The following DAB1 variants were observed in gnomAD, a reference collection of about 807,000 sequenced individuals.
DAB1 encodes disabled homolog 1.
A neutral mutation model predicts 64.6 loss-of-function variants in DAB1; 15 were observed. The ratio of observed to expected loss-of-function variants is 0.23; its 90% confidence interval spans 0.16 to 0.36. The LOEUF (loss-of-function observed/expected upper bound fraction) is 0.36. DAB1 is among the 10% of genes least tolerant of loss of function. The probability of loss-of-function intolerance (pLI) is 1.00; values close to 1 mark genes in which losing one functional copy is unlikely to be tolerated. For missense variants in DAB1, 596 were observed against 706.7 expected (o/e 0.84, Z 1.78); for synonymous variants, 235 against 251.9 (o/e 0.93, Z 0.64).
intron 5 of DAB1, among the ~76,000 whole-genome samples, chr1:58,011,257 T>C (rs1646664109): frequency 6.6e-6 from 1 of 152,188 alleles, no homozygotes; most frequent in South Asian, 2.1e-4. Flanking sequence ...ATCCCCCAGG[T>C]GGTAATAAGT....
chr1:57,784,425 A>T (rs1368317444), intron 6 of DAB1, among the ~76,000 whole-genome samples: 1 of 152,244 alleles, frequency 6.6e-6, no homozygotes, highest in Non-Finnish European at 1.5e-5. Context: ...AAAAGCTGAG[A>T]TAGGTATCTT....
intron 5 of DAB1, among the ~76,000 whole-genome samples, chr1:58,020,538 C>A (rs576429948): frequency 6.6e-6 from 1 of 152,178 alleles, no homozygotes; most frequent in Non-Finnish European, 1.5e-5. Flanking sequence ...ATTTCTCCAA[C>A]AAATGGACAA....
rs1342075729 is a variant in DAB1 at position 58,471,466 on chromosome 1, C to T, written n.257+34594G>A. Among the ~76,000 whole-genome samples, 3 of 152,076 alleles carry T rather than the reference C, an allele frequency of 2.0e-5. No homozygotes were observed. In the East Asian group the frequency reaches 5.8e-4, roughly 29 times the overall value. On this transcript the variant is annotated intron_variant and non_coding_transcript_variant, in intron 3 of 20. Transcript: ENST00000485760. ...TAATTGACTTAGACATTCATGATGTCTCGGGCAGGGAATACTGCCACCTAA... is the reference window on the plus strand; with the variant it reads ...TAATTGACTTAGACATTCATGATGTTTCGGGCAGGGAATACTGCCACCTAA...
At chr1:58,371,872 G>T (rs905542120) in intron 3 of DAB1, among the ~76,000 whole-genome samples, 11 of 152,194 alleles carry the variant, frequency 7.2e-5, no homozygotes, top group African/African-American at 2.7e-4. Context: ...AAAGACAAGA[G>T]TTGAGCTTTT....
At chr1:58,013,893 CTTTTT>C (rs11340354) in intron 5 of DAB1, among the ~76,000 whole-genome samples, 1 of 137,050 alleles carries the variant, frequency 7.3e-6, no homozygotes, top group Non-Finnish European at 1.6e-5. Flanking sequence ...TTCTTTTTTT[CTTTTT>C]TTTTTTTTTC....
chr1:58,246,949 G>A (rs1388535054), intron 4 of DAB1, among the ~76,000 whole-genome samples: 1 of 152,012 alleles, frequency 6.6e-6, no homozygotes, highest in East Asian at 1.9e-4. Flanking sequence ...AACATGAGGA[G>A]GGAGTAAGAC....
intron 4 of DAB1, among the ~76,000 whole-genome samples, chr1:58,281,992 C>A (rs979215941): frequency 1.3e-5 from 2 of 152,102 alleles, no homozygotes; most frequent in African/African-American, 2.4e-5. Flanking sequence ...CTTCCTCCTC[C>A]TCATCATCCT....
chr1:58,239,712 G>A (rs1017505543), intron 4 of DAB1, among the ~76,000 whole-genome samples: 3 of 152,118 alleles, frequency 2.0e-5, no homozygotes, highest in African/African-American at 7.2e-5. Context: ...GACTCTCACA[G>A]AGTTGTCCAA....
chr1:57,094,961 C>G (rs1654023996), intron 4 of DAB1, among the ~76,000 whole-genome samples: 1 of 152,164 alleles, frequency 6.6e-6, no homozygotes, highest in South Asian at 2.1e-4. Flanking sequence ...TACTTGTACT[C>G]TGCAACCTCA....
At chr1:58,298,966 C>G (rs17117283) in intron 4 of DAB1, among the ~76,000 whole-genome samples, 1 of 152,168 alleles carries the variant, frequency 6.6e-6, no homozygotes, top group Non-Finnish European at 1.5e-5. Context: ...CTAGGAAACA[C>G]GTAAAATGCA....
At chr1:57,688,892 C>A (rs1274967304) in intron 6 of DAB1, among the ~76,000 whole-genome samples, 4 of 151,966 alleles carry the variant, frequency 2.6e-5, no homozygotes, top group African/African-American at 9.7e-5. Context: ...AAGATGGGAA[C>A]AATAGACACT....
At chr1:58,237,767 T>C (rs952620940) in intron 4 of DAB1, among the ~76,000 whole-genome samples, 1 of 152,178 alleles carries the variant, frequency 6.6e-6, no homozygotes, top group Non-Finnish European at 1.5e-5. Flanking sequence ...CATATTTTGG[T>C]GTGGTTCTAT....
chr1:57,583,051 T>C (rs943116109), intron 7 of DAB1, among the ~76,000 whole-genome samples: 108 of 152,228 alleles, frequency 7.1e-4, no homozygotes, highest in African/African-American at 2.5e-3. Context: ...ACAAAGAGAA[T>C]TGGAGAAGTG....
At chr1:57,697,422 TAAAAAAAAAAAA>T (rs56655539) in intron 6 of DAB1, among the ~76,000 whole-genome samples, 3 of 57,870 alleles carry the variant, frequency 5.2e-5, no homozygotes, top group African/African-American at 2.0e-4. Context: ...CTCACGTTTC[TAAAAAAAAAAAA>T]AAAAAAAAAA....
At chr1:58,447,253 C>T (rs185064888) in intron 3 of DAB1, among the ~76,000 whole-genome samples, 1 of 152,292 alleles carries the variant, frequency 6.6e-6, no homozygotes, top group African/African-American at 2.4e-5. Context: ...GCGGGAATTG[C>T]ACCGGCTCCT....
intron 3 of DAB1, among the ~76,000 whole-genome samples, chr1:57,140,719 AAC>A (rs907507012): frequency 6.6e-6 from 1 of 152,186 alleles, no homozygotes; most frequent in African/African-American, 2.4e-5. Flanking sequence ...CTCAGTAAAT[AAC>A]AGTTATACTT....
chr1:58,408,919 T>C (rs955881732), intron 3 of DAB1, among the ~76,000 whole-genome samples: 2 of 152,050 alleles, frequency 1.3e-5, no homozygotes, highest in East Asian at 1.9e-4. Context: ...AAGTCCCAGA[T>C]ACACACAAAA....
At chr1:58,150,640 C>T (rs1040367808) in intron 4 of DAB1, 5 of 148,926 alleles carry the variant, frequency 3.4e-5, no homozygotes, top group Non-Finnish European at 5.9e-5. Context: ...CTTTCCTGTA[C>T]CAAACATACT....
intron 9 of DAB1, among the ~76,000 whole-genome samples, chr1:57,032,374 G>A (rs1646990552): frequency 6.6e-6 from 1 of 152,136 alleles, no homozygotes; most frequent in African/African-American, 2.4e-5. Context: ...CAGACCCAGA[G>A]ACACAATCAA....
Sources: gnomAD v4.1 joint callset for allele counts (sites outside exome capture counted in the v4.1 genomes callset) on GRCh38, gnomAD v4.1.1 for gene constraint, MANE v1.5 for transcripts, NCBI Gene and HGNC (gene_info 2026-07-23, HGNC 2026-07-21) for gene names.